PAG1: variants seen among roughly 807,000 people sequenced by gnomAD.
The protein encoded by PAG1 is phosphoprotein associated with glycosphingolipid-enriched microdomains 1.
Under a neutral mutation model 31.7 loss-of-function variants are expected in PAG1, and 23 were observed. The ratio of observed to expected loss-of-function variants is 0.73; its 90% confidence interval spans 0.52 to 1.03. PAG1 has a LOEUF of 1.03. Among genes scored for constraint, PAG1 ranks in the 50% least tolerant of loss-of-function variants. The probability of loss-of-function intolerance (pLI) is 0.00; values close to 1 mark genes in which losing one functional copy is unlikely to be tolerated. For missense variants in PAG1, 473 were observed against 540.7 expected (o/e 0.87, Z 1.24); for synonymous variants, 214 against 210.3 (o/e 1.02, Z -0.15).
At chr8:81,104,633 T>G (rs1809663042) in intron 1 of PAG1, among the ~76,000 whole-genome samples, 1 of 152,142 alleles carries the variant, frequency 6.6e-6, no homozygotes, top group Admixed American at 6.5e-5. Context: ...GTATTCATTA[T>G]CATCTCCAAT....
chr8:81,008,174 C>A (rs955485595), intron 3 of PAG1, among the ~76,000 whole-genome samples: 15 of 152,106 alleles, frequency 9.9e-5, no homozygotes, highest in Admixed American at 3.3e-4. Flanking sequence ...AATTGTAAAA[C>A]AATATGCTAT....
At chr8:81,011,893 A>G (rs919589993) in intron 3 of PAG1, among the ~76,000 whole-genome samples, 6 of 152,144 alleles carry the variant, frequency 3.9e-5, no homozygotes, top group African/African-American at 1.4e-4. Flanking sequence ...TTGCAATCTT[A>G]GTTGTTCCTT....
intron 3 of PAG1, among the ~76,000 whole-genome samples, chr8:80,999,036 C>T (rs1414081358): frequency 7.9e-5 from 12 of 152,280 alleles, no homozygotes; most frequent in Non-Finnish European, 4.4e-5. Context: ...TGGTGGGTTC[C>T]CTGGTCCTGT....
intron 7 of PAG1, among the ~76,000 whole-genome samples, chr8:80,983,512 AAATG>A (rs1470471973): frequency 1.3e-5 from 2 of 152,264 alleles, no homozygotes; most frequent in Non-Finnish European, 2.9e-5. Flanking sequence ...TTTGTTAAAT[AAATG>A]AATGAATATT....
At chr8:80,981,546 C>G (rs534788160) in intron 7 of PAG1, among the ~76,000 whole-genome samples, 3 of 152,104 alleles carry the variant, frequency 2.0e-5, no homozygotes, top group Non-Finnish European at 4.4e-5. Context: ...GATGATCTTG[C>G]TTCCTAGTTG....
chr8:81,082,148 G>C (rs542193733), intron 1 of PAG1, among the ~76,000 whole-genome samples: 5 of 151,144 alleles, frequency 3.3e-5, no homozygotes, highest in Admixed American at 3.3e-4. Flanking sequence ...AGCTACTCGG[G>C]AGGCTGAGGC....
At chr8:81,026,973 T>C (rs1808292268) in intron 3 of PAG1, among the ~76,000 whole-genome samples, 1 of 152,220 alleles carries the variant, frequency 6.6e-6, no homozygotes, top group Admixed American at 6.5e-5. Context: ...TCTTGCTATC[T>C]TTGTGATGTA....
chr8:81,024,479 G>T (rs1018889892), intron 3 of PAG1, among the ~76,000 whole-genome samples: 2 of 152,164 alleles, frequency 1.3e-5, no homozygotes, highest in Non-Finnish European at 2.9e-5. Flanking sequence ...GTTGGGCTGG[G>T]CTACAACATG....
chr8:81,021,757 A>C (rs909344320), intron 3 of PAG1, among the ~76,000 whole-genome samples: 3 of 152,096 alleles, frequency 2.0e-5, no homozygotes, highest in African/African-American at 7.2e-5. Flanking sequence ...AAAGAATTCG[A>C]CATTTAGAAG....
chr8:80,989,134 G>A (rs1807485938), intron 5 of PAG1, among the ~76,000 whole-genome samples: 1 of 152,178 alleles, frequency 6.6e-6, no homozygotes. Flanking sequence ...ACAGCAGATA[G>A]TTCATGCTGT....
At chr8:81,057,731 G>A (rs1225318875) in intron 2 of PAG1, among the ~76,000 whole-genome samples, 2 of 152,070 alleles carry the variant, frequency 1.3e-5, no homozygotes, top group African/African-American at 4.8e-5. Context: ...AAATAACTGA[G>A]TATGTTTCAT....
At chr8:80,994,273 T>C (rs1392240914) in intron 3 of PAG1, among the ~76,000 whole-genome samples, 1 of 152,260 alleles carries the variant, frequency 6.6e-6, no homozygotes, top group Non-Finnish European at 1.5e-5. Context: ...ATGTTTACAC[T>C]ACCCTGCTGT....
chr8:81,073,487 TCCCTGAA>T (rs1174676384), intron 1 of PAG1, among the ~76,000 whole-genome samples: 1 of 152,184 alleles, frequency 6.6e-6, no homozygotes, highest in Non-Finnish European at 1.5e-5. Context: ...TCCAAAAGTA[TCCCTGAA>T]CAGGGATCTT....
chr8:80,995,547 A>G (rs1319497148), intron 3 of PAG1, among the ~76,000 whole-genome samples: 3 of 152,260 alleles, frequency 2.0e-5, no homozygotes, highest in Non-Finnish European at 4.4e-5. Context: ...GACCAATGAA[A>G]ATATATAAAA....
At chr8:81,057,924 CAA>C in intron 2 of PAG1, among the ~76,000 whole-genome samples, 1 of 152,164 alleles carries the variant, frequency 6.6e-6, no homozygotes, top group African/African-American at 2.4e-5. Flanking sequence ...ATATCAATAA[CAA>C]AAGCAAAAAT....
At chr8:81,011,041 A>G (rs765066930) in intron 3 of PAG1, among the ~76,000 whole-genome samples, 15 of 152,150 alleles carry the variant, frequency 9.9e-5, no homozygotes, top group Non-Finnish European at 2.1e-4. Context: ...CCACTCCACT[A>G]CACTCAGCCT....
At chr8:81,048,601 T>G (rs1382455690) in intron 2 of PAG1, among the ~76,000 whole-genome samples, 4 of 152,216 alleles carry the variant, frequency 2.6e-5, no homozygotes, top group Admixed American at 1.3e-4. Flanking sequence ...CCCTGCAGCC[T>G]GGCCTTTACA....
intron 8 of PAG1, 31 bp downstream of exon 8, chr8:80,980,404 T>C: frequency 7.7e-7 from 1 of 1,304,004 alleles, no homozygotes; most frequent in Non-Finnish European, 1.1e-6. Flanking sequence ...TTTACTACAG[T>C]TTTCCCTTTT....
chr8:81,061,061 T>C (rs187837657), intron 2 of PAG1, among the ~76,000 whole-genome samples: 1 of 152,210 alleles, frequency 6.6e-6, no homozygotes, highest in Non-Finnish European at 1.5e-5. Context: ...TTTATTATCA[T>C]GTAAAATACA....
Sources: allele counts gnomAD v4.1 joint callset (sites outside exome capture counted in the v4.1 genomes callset), GRCh38; gene constraint gnomAD v4.1.1; transcripts MANE v1.5; gene names NCBI Gene and HGNC (gene_info 2026-07-23, HGNC 2026-07-21).